The following SCEL variants were observed in gnomAD, a reference collection of about 807,000 sequenced individuals.
SCEL encodes sciellin.
Under a neutral mutation model 117.6 loss-of-function variants are expected in SCEL, and 113 were observed. That is an observed-to-expected ratio of 0.96 (90% CI 0.83 to 1.12). The LOEUF (loss-of-function observed/expected upper bound fraction) is 1.12, where lower values mean the gene tolerates loss of function less well. Among genes scored for constraint, SCEL ranks in the 50% most tolerant of loss-of-function variants. SCEL has a pLI of 0.00. For synonymous variants in SCEL, 270 were observed against 256.2 expected (o/e 1.05, Z -0.51); for missense variants, 785 against 810.8 (o/e 0.97, Z 0.39).
intron 8 of SCEL, among the ~76,000 whole-genome samples, chr13:77,571,492 C>T (rs927557029): frequency 2.6e-5 from 4 of 151,760 alleles, no homozygotes; most frequent in Non-Finnish European, 5.9e-5. Flanking sequence ...AGTTCGAGAC[C>T]AGCCTGACCA....
In SCEL at chr13:77,544,794, A is replaced by C. The variant is rs545240120; in HGVS notation, c.-20+8970A>C. Among the ~76,000 whole-genome samples, 56 of 152,360 alleles carry C rather than the reference A, an allele frequency of 3.7e-4. No individual in the cohort carries two copies. In the South Asian group the frequency reaches 7.5e-3, roughly 20 times the overall value. ...GAAATAGGAGATGCTGATAGTTTCAAATGCATACAAAAAGAGCTACGAAAG... is the reference window on the plus strand; with the variant it reads ...GAAATAGGAGATGCTGATAGTTTCACATGCATACAAAAAGAGCTACGAAAG... On this transcript the variant is annotated intron_variant, in intron 1 of 32. Transcript: ENST00000349847.
chr13:77,611,956 A>C (rs1335509347), intron 22 of SCEL, among the ~76,000 whole-genome samples: 1 of 152,176 alleles, frequency 6.6e-6, no homozygotes, highest in Non-Finnish European at 1.5e-5. Flanking sequence ...ATAGCAAATA[A>C]ATTTTCCTGG....
chr13:77,639,519 C>CT (rs2090460772), intron 30 of SCEL, among the ~76,000 whole-genome samples: 1 of 152,168 alleles, frequency 6.6e-6, no homozygotes, highest in Non-Finnish European at 1.5e-5. Context: ...CTGGGTACGA[C>CT]TAACTCATTT....
chr13:77,558,045 G>A (rs2154396012), intron 3 of SCEL, among the ~76,000 whole-genome samples: 2 of 152,324 alleles, frequency 1.3e-5, no homozygotes, highest in South Asian at 4.1e-4. Flanking sequence ...TTCCTTCCAT[G>A]AAACAGCATT....
At chr13:77,559,958 C>G (rs898778241) in intron 4 of SCEL, 95 bp downstream of exon 4, 2 of 1,055,924 alleles carry the variant, frequency 1.9e-6, no homozygotes, top group Admixed American at 3.6e-5. Context: ...TTGCAGCATG[C>G]CTTGGGCTTT....
chr13:77,608,966 T>G, intron 20 of SCEL, 92 bp from the exon 21 acceptor site: 2 of 1,049,548 alleles, frequency 1.9e-6, no homozygotes, highest in Non-Finnish European at 2.7e-6. Flanking sequence ...AGTAGTAAAA[T>G]TTATCTTGAG....
intron 4 of SCEL, among the ~76,000 whole-genome samples, chr13:77,560,634 T>G (rs1047300389): frequency 3.9e-5 from 6 of 152,110 alleles, no homozygotes; most frequent in Non-Finnish European, 5.9e-5. Context: ...CAAAGCAAAT[T>G]AGTAGAAAAA....
chr13:77,641,447 G>A (rs908148898), intron 31 of SCEL, among the ~76,000 whole-genome samples: 2 of 152,080 alleles, frequency 1.3e-5, no homozygotes, highest in Non-Finnish European at 2.9e-5. Context: ...AACTATGTCC[G>A]TGTGACTTTG....
intron 24 of SCEL, among the ~76,000 whole-genome samples, chr13:77,614,836 A>G (rs1453707591): frequency 6.6e-6 from 1 of 152,170 alleles, no homozygotes; most frequent in Non-Finnish European, 1.5e-5. Context: ...GTGAATAATT[A>G]CTGAGCACCT....
chr13:77,546,430 A>G (rs777766444), intron 1 of SCEL, among the ~76,000 whole-genome samples: 1 of 152,180 alleles, frequency 6.6e-6, no homozygotes, highest in Non-Finnish European at 1.5e-5. Context: ...GGGATCCCAT[A>G]ATTATAGATA....
chr13:77,623,808 T>C (rs972809800), intron 27 of SCEL, among the ~76,000 whole-genome samples: 8 of 152,150 alleles, frequency 5.3e-5, no homozygotes, highest in Admixed American at 1.3e-4. Flanking sequence ...CAGCCAGGAG[T>C]TGAAAGCCAG....
intron 21 of SCEL, among the ~76,000 whole-genome samples, chr13:77,609,788 T>C (rs1204055511): frequency 6.6e-6 from 1 of 152,190 alleles, no homozygotes; most frequent in Non-Finnish European, 1.5e-5. Context: ...AGACAAATCA[T>C]GTAAATCACT....
chr13:77,570,664 C>CTGAA (rs1221414472), intron 8 of SCEL, among the ~76,000 whole-genome samples: 1 of 152,182 alleles, frequency 6.6e-6, no homozygotes, highest in Non-Finnish European at 1.5e-5. Flanking sequence ...TCATTCTCAT[C>CTGAA]TGAATATCTT....
At chr13:77,639,551 T>C (rs1270568099) in intron 30 of SCEL, among the ~76,000 whole-genome samples, 1 of 152,206 alleles carries the variant, frequency 6.6e-6, no homozygotes, top group African/African-American at 2.4e-5. Flanking sequence ...GCGCATCAGA[T>C]CTTTGGACTC....
intron 3 of SCEL, among the ~76,000 whole-genome samples, chr13:77,559,453 A>G (rs915060960): frequency 3.3e-5 from 5 of 152,236 alleles, no homozygotes; most frequent in African/African-American, 9.6e-5. Flanking sequence ...CTTCATGCCA[A>G]AAAGGACTCT....
At chr13:77,568,917 G>A (rs2085439499) in intron 7 of SCEL, among the ~76,000 whole-genome samples, 2 of 152,162 alleles carry the variant, frequency 1.3e-5, no homozygotes, top group South Asian at 2.1e-4. Context: ...AAATGGGCCT[G>A]GGTCACTTCC....
At chr13:77,608,454 G>A (rs1032649106) in intron 20 of SCEL, among the ~76,000 whole-genome samples, 13 of 152,078 alleles carry the variant, frequency 8.5e-5, no homozygotes, top group African/African-American at 3.1e-4. Context: ...ACAAAAATTA[G>A]CCAGGCATGG....
chr13:77,581,101 G>T (rs564384808), intron 9 of SCEL, among the ~76,000 whole-genome samples: 1 of 152,106 alleles, frequency 6.6e-6, no homozygotes, highest in Non-Finnish European at 1.5e-5. Flanking sequence ...CTAAATAAAA[G>T]CAATACATCT....
chr13:77,616,792 G>A (rs952103628), intron 24 of SCEL, among the ~76,000 whole-genome samples: 2 of 149,338 alleles, frequency 1.3e-5, no homozygotes, highest in African/African-American at 5.0e-5. Context: ...TTTATATAAG[G>A]AAAAAGCATT....
Sources: gnomAD v4.1 joint callset for allele counts (sites outside exome capture counted in the v4.1 genomes callset) on GRCh38, gnomAD v4.1.1 for gene constraint, MANE v1.5 for transcripts, NCBI Gene and HGNC (gene_info 2026-07-23, HGNC 2026-07-21) for gene names.